The following RALGAPA1 variants were observed in gnomAD, a reference collection of about 807,000 sequenced individuals.
RALGAPA1 encodes the protein Ral GTPase activating protein catalytic subunit alpha 1.
Under a neutral mutation model 269.6 loss-of-function variants are expected in RALGAPA1, and 52 were observed. The ratio of observed to expected loss-of-function variants is 0.19; its 90% CI spans 0.15 to 0.24. RALGAPA1 has a LOEUF of 0.24. RALGAPA1 is among the 10% of genes least tolerant of loss of function. RALGAPA1 has a pLI of 1.00. For missense variants in RALGAPA1, 1,917 were observed against 3,013.9 expected, an observed-to-expected ratio of 0.64 and a Z score of 8.52; for synonymous variants, 817 against 1,008.3, an observed-to-expected ratio of 0.81 and a Z score of 3.60.
At chr14:35,655,750 G>T (rs907296425) in intron 29 of RALGAPA1, 57 bp downstream of exon 29, 96 of 1,565,278 alleles carry the variant, frequency 6.1e-5, no homozygotes, top group Non-Finnish European at 8.0e-5. Context: ...AATATTTGGA[G>T]AAAAAAATAT....
intron 37 of RALGAPA1, among the ~76,000 whole-genome samples, chr14:35,587,192 A>T (rs7144483): frequency 0.014 from 2,102 of 152,168 alleles, 52 homozygotes; most frequent in African/African-American, 0.048. Flanking sequence ...TAGTCTTGGG[A>T]GGGTGTATGT....
At chr14:35,718,288 G>GAGTACTT (rs1555415718) in intron 16 of RALGAPA1, among the ~76,000 whole-genome samples, 1 of 152,160 alleles carries the variant, frequency 6.6e-6, no homozygotes, top group Non-Finnish European at 1.5e-5. Flanking sequence ...ATTCCATAGT[G>GAGTACTT]AGTACTTAAA....
intron 16 of RALGAPA1, among the ~76,000 whole-genome samples, chr14:35,707,927 T>C (rs868630532): frequency 7.9e-5 from 12 of 152,014 alleles, no homozygotes; most frequent in African/African-American, 2.4e-4. Context: ...CACAGACCAA[T>C]AGAACAGAAC....
chr14:35,784,599 G>A (rs1367931821), intron 1 of RALGAPA1, among the ~76,000 whole-genome samples: 1 of 151,920 alleles, frequency 6.6e-6, no homozygotes, highest in African/African-American at 2.4e-5. Flanking sequence ...GACCCTACCT[G>A]GCTAACTGAA....
chr14:35,681,798 C>T (rs577409045), intron 21 of RALGAPA1, among the ~76,000 whole-genome samples: 1 of 152,278 alleles, frequency 6.6e-6, no homozygotes, highest in African/African-American at 2.4e-5. Context: ...TGTAGTCGAT[C>T]CCCTCAACTG....
chr14:35,772,442 A>G (rs1595505133), intron 3 of RALGAPA1, among the ~76,000 whole-genome samples: 1 of 152,146 alleles, frequency 6.6e-6, no homozygotes, highest in East Asian at 1.9e-4. Context: ...TCTTTACACA[A>G]ATATGTTCAA....
At chr14:35,608,036 C>T (rs1594790220) in intron 35 of RALGAPA1, among the ~76,000 whole-genome samples, 2 of 152,098 alleles carry the variant, frequency 1.3e-5, no homozygotes, top group Non-Finnish European at 2.9e-5. Flanking sequence ...AACTCAGGGT[C>T]GACTCCTGGG....
At chr14:35,654,262 G>A (rs1474772042) in intron 30 of RALGAPA1, 105 bp downstream of exon 30, 9 of 1,172,486 alleles carry the variant, frequency 7.7e-6, no homozygotes, top group Non-Finnish European at 8.0e-6. Flanking sequence ...CCATTATTTA[G>A]CTATGCAAAA....
chr14:35,561,008 T>C (rs906493925), intron 39 of RALGAPA1, among the ~76,000 whole-genome samples: 8 of 151,564 alleles, frequency 5.3e-5, no homozygotes, highest in African/African-American at 1.9e-4. Flanking sequence ...GGCAGATGGA[T>C]CACGAGGTCA....
At chr14:35,621,381 T>C (rs1393791873) in intron 35 of RALGAPA1, among the ~76,000 whole-genome samples, 1 of 152,152 alleles carries the variant, frequency 6.6e-6, no homozygotes, top group Non-Finnish European at 1.5e-5. Context: ...ATTAAAGACT[T>C]AATTATTAGA....
Position 35,549,107 on chromosome 14 carries a change from T to G in RALGAPA1, c.7621+3A>C. The G allele has an allele frequency of 2.5e-6, 4 of 1,611,164 alleles. No homozygotes were observed. Among genetic ancestry groups the G allele is most frequent in the Non-Finnish European group, 3.4e-6 (4 of 1,179,166 alleles). ...AGTAACTAATACTCGCTTTTAATCTTACCGGCATCAGATGGTAAATGGTGG... is the reference window on the plus strand; with the variant it reads ...AGTAACTAATACTCGCTTTTAATCTGACCGGCATCAGATGGTAAATGGTGG... On this transcript the variant is annotated splice_donor_region_variant and intron_variant, in intron 40 of 41. Transcript: ENST00000680220.
chr14:35,572,897 AC>A (rs1241428068), intron 37 of RALGAPA1, 179 bp from the exon 38 acceptor site: 4 of 385,586 alleles, frequency 1.0e-5, no homozygotes, highest in African/African-American at 8.3e-5. Flanking sequence ...AGAAGACCAG[AC>A]AATTTCAATT....
At position 35,634,466 on chromosome 14, in the gene RALGAPA1, C is replaced by A. The variant is rs1360831365; in HGVS notation, c.5995+108G>T. 6 of 838,282 alleles carry A rather than the reference C, an allele frequency of 7.2e-6. No individual in the cohort carries two copies. In the Admixed American group the frequency reaches 1.5e-4, roughly 21 times the overall value. The allele number at this position is 838,282 out of a possible 1,614,324, so 51.9% of individuals were successfully genotyped here. A position where few individuals can be genotyped will look rare whatever the true frequency, so the allele number is the denominator to read the frequency against. ...GTGCTATACATACATGGTTAAACAA[C>A]TACAAAGTAAGACATACTCTCCTTC... On this transcript the variant is annotated intron_variant, in intron 33 of 41. Coordinates refer to ENST00000680220, the MANE Select transcript of RALGAPA1 (RefSeq NM_001346249.2).
chr14:35,561,297 A>G (rs1431412539), intron 39 of RALGAPA1, among the ~76,000 whole-genome samples: 1 of 151,392 alleles, frequency 6.6e-6, no homozygotes, highest in Non-Finnish European at 1.5e-5. Flanking sequence ...TTTTGAAAAG[A>G]ATAGCTAAAT....
intron 1 of RALGAPA1, among the ~76,000 whole-genome samples, chr14:35,778,551 G>A (rs2075214794): frequency 6.6e-6 from 1 of 152,098 alleles, no homozygotes; most frequent in Admixed American, 6.6e-5. Flanking sequence ...TAGAAACTGT[G>A]TCTACCTCAG....
chr14:35,638,717 G>A (rs552460946), intron 31 of RALGAPA1, among the ~76,000 whole-genome samples: 8 of 152,164 alleles, frequency 5.3e-5, no homozygotes, highest in African/African-American at 1.9e-4. Flanking sequence ...CTGAGGTCAC[G>A]AGTTTGAGAC....
At chr14:35,806,202 T>C (rs1057299263) in intron 1 of RALGAPA1, among the ~76,000 whole-genome samples, 1 of 152,212 alleles carries the variant, frequency 6.6e-6, no homozygotes, top group South Asian at 2.1e-4. Flanking sequence ...ATAAGCACTT[T>C]TTATTTTTAT....
chr14:35,602,985 T>C (rs560591035), intron 36 of RALGAPA1, among the ~76,000 whole-genome samples: 1 of 152,304 alleles, frequency 6.6e-6, no homozygotes, highest in South Asian at 2.1e-4. Context: ...GCACCATTTG[T>C]TGAAAAGACT....
chr14:35,781,756 A>G (rs2075448282), intron 1 of RALGAPA1, among the ~76,000 whole-genome samples: 1 of 152,120 alleles, frequency 6.6e-6, no homozygotes, highest in African/African-American at 2.4e-5. Context: ...AGACACAGAA[A>G]AAACATCTGA....
Sources: gnomAD v4.1 joint callset for allele counts (sites outside exome capture counted in the v4.1 genomes callset) on GRCh38, gnomAD v4.1.1 for gene constraint, MANE v1.5 for transcripts, NCBI Gene and HGNC (gene_info 2026-07-23, HGNC 2026-07-21) for gene names.